The following EMILIN1 variants were observed in gnomAD, a reference collection of about 807,000 sequenced individuals.
EMILIN1 encodes EMILIN-1.
EMILIN1 carries 49 observed loss-of-function variants against 82.4 expected under a neutral mutation model. That is an observed-to-expected ratio of 0.59 (90% confidence interval 0.47 to 0.75). EMILIN1 has a LOEUF of 0.75. Among genes scored for constraint, EMILIN1 ranks in the 30% least tolerant of loss-of-function variants. The pLI is 0.00. For missense variants in EMILIN1, 1,313 were observed against 1,366.4 expected (o/e 0.96, Z 0.62); for synonymous variants, 604 against 602.2 (o/e 1.00, Z -0.04).
chr2:27,082,265 G>A lies in EMILIN1; in HGVS notation c.694G>A (p.Gly232Arg). The A allele has an allele frequency of 6.2e-7, 1 of 1,613,210 alleles. No individual in the cohort carries two copies. Among genetic ancestry groups the A allele is most frequent in the Middle Eastern group, 1.6e-4 (1 of 6,062 alleles). The change falls in exon 4 of 8, where the codon GGG becomes AGG. Residue 232 changes from glycine (G) to arginine (R), a missense_variant. Coordinates refer to ENST00000380320, the MANE Select transcript of EMILIN1 (RefSeq NM_007046.4). The part of the protein sequence containing the change: ...QQPADAAARP[G>R]VHETLNEIQH... ...GCCAGCTGACGCGGCTGCCCGCCCT[G>A]GGGTGCATGAAACCCTCAATGAGAT...
intron 1 of EMILIN1, 42 bp from the exon 2 acceptor site, chr2:27,080,109 T>G (rs1193972017): frequency 6.2e-7 from 1 of 1,610,148 alleles, no homozygotes; most frequent in Admixed American, 1.7e-5. Context: ...CTCCAGGGCA[T>G]GTATCTTTGG....
In EMILIN1 at chr2:27,082,137, C is replaced by T; in HGVS notation, c.566C>T (p.Thr189Ile). 1 of 1,613,764 alleles carries T rather than the reference C, an allele frequency of 6.2e-7. No homozygotes were observed. The change falls in exon 4 of 8, where the codon ACC becomes ATC. Residue 189 changes from threonine (T) to isoleucine (I), a missense_variant. By Grantham distance (89) the Thr-to-Ile change is moderately conservative. Coordinates refer to ENST00000380320, the MANE Select transcript of EMILIN1 (RefSeq NM_007046.4). ...CTGGAGGAACAGGTGCAGAGCCTGA[C>T]CAAGGAGCTGCAAGGCCTGCGGGGC... ...QQLEEQVQSL[T>I]KELQGLRGVL...
intron 1 of EMILIN1, among the ~76,000 whole-genome samples, chr2:27,079,653 G>C (rs1439660938): frequency 6.6e-6 from 1 of 152,244 alleles, no homozygotes; most frequent in African/African-American, 2.4e-5. Flanking sequence ...AGAGGCCGGA[G>C]TGAATGGGGC....
chr2:27,082,159 G>A lies in EMILIN1; in HGVS notation c.588G>A (p.Arg196=), dbSNP rs142885985. 2.2e-5 allele frequency: 36 copies of A among 1,613,670 alleles called. No individual in the cohort carries two copies. The African/African-American group carries it at 4.3e-4, about 19-fold the overall frequency. ...QSLTKELQGL[R]GVLQGLSGRL... is the part of the protein sequence containing the mutation. ...TGACCAAGGAGCTGCAAGGCCTGCG[G>A]GGCGTCCTGCAAGGACTGAGCGGGC... Residue 196 remains arginine (R), a synonymous_variant, in exon 4 of 8, where the codon CGG becomes CGA. Transcript: ENST00000380320.
At position 27,083,651 on chromosome 2, in the gene EMILIN1, C is replaced by T; in HGVS notation, c.2080C>T (p.Gln694Ter). The change falls in exon 4 of 8, where the codon CAG (glutamine) becomes TAG (stop). Residue 694 changes from glutamine to a stop codon, truncating the protein, a stop_gained. Transcript: ENST00000380320. LOFTEE classifies it high-confidence loss of function. The stretch of plus-strand genomic sequence containing the variant: ...CATTTCTGAGATTAACAGGCTGCAG[C>T]AGGAGGCCACAGAGCATGCTACAGA... ...RIISEINRLQ[Q>*]EATEHATESE... The T allele has an allele frequency of 1.2e-6, 2 of 1,612,474 alleles. No individual in the cohort carries two copies. The highest frequency in any genetic ancestry group is 1.7e-6 in the Non-Finnish European group (2 of 1,178,662).
intron 1 of EMILIN1, among the ~76,000 whole-genome samples, chr2:27,079,606 GCT>G (rs1036852511): frequency 1.8e-4 from 28 of 152,302 alleles, no homozygotes; most frequent in African/African-American, 6.7e-4. Context: ...CACCACTCCA[GCT>G]CTGTTCCCTC....
Position 27,079,082 on chromosome 2 carries a change from T to C in EMILIN1, c.17T>C (p.Leu6Pro). 1 of 1,603,304 alleles carries C rather than the reference T, an allele frequency of 6.2e-7. No homozygotes were observed. The change falls in exon 1 of 8, where the codon CTC (leucine) becomes CCC (proline). Residue 6 changes from leucine to proline, a missense_variant. Coordinates refer to ENST00000380320, the MANE Select transcript of EMILIN1 (RefSeq NM_007046.4). MAPRT[L>P]WSCYLCCLLT... ...CGCCCCGCCATGGCCCCCCGCACCC[T>C]CTGGAGCTGCTACCTCTGCTGCCTG...
At position 27,086,165 on chromosome 2, in the gene EMILIN1, A is replaced by T. The variant is rs1295348048; in HGVS notation, c.*150A>T. The T allele has an allele frequency of 3.9e-6, 2 of 510,102 alleles. No homozygotes were observed. Among genetic ancestry groups the T allele is most frequent in the Non-Finnish European group, 6.1e-6 (2 of 326,106 alleles). 31.6% of individuals were successfully genotyped at this position (510,102 alleles called of 1,614,324 possible). ...ACCGCGCCCAGAGCGGCCTCTCCCC[A>T]CGCCCGGGGCGCGCCGGCTCAGGGA... On this transcript the variant is annotated 3_prime_UTR_variant, in exon 8 of 8. Transcript: ENST00000380320.
intron 2 of EMILIN1, among the ~76,000 whole-genome samples, 183 bp from the exon 3 acceptor site, chr2:27,080,549 G>A (rs1669455421): frequency 1.3e-5 from 2 of 152,158 alleles, no homozygotes. Flanking sequence ...GAAGAGCAGG[G>A]ATTTAACCCT....
rs1054045056 is a variant in EMILIN1 at position 27,078,964 on chromosome 2, G to T, written c.-102G>T. 3.3e-6 allele frequency: 3 copies of T among 913,146 alleles called. No individual in the cohort carries two copies. The highest frequency in any genetic ancestry group is 4.7e-6 in the Non-Finnish European group (3 of 643,542). The allele number at this position is 913,146 out of a possible 1,614,324, so 56.6% of individuals were successfully genotyped here. A position where few individuals can be genotyped will look rare whatever the true frequency, so the allele number is the denominator to read the frequency against. ...AGAAGGAAACTGGGACGGACGGGCC[G>T]GGCTCGGGCTGTCCTGTGGAGCAGC... On this transcript the variant is annotated 5_prime_UTR_variant, in exon 1 of 8. Transcript: ENST00000380320.
intron 7 of EMILIN1, 57 bp from the exon 8 acceptor site, chr2:27,085,621 T>C (rs1030653452): frequency 6.7e-7 from 1 of 1,489,718 alleles, no homozygotes. Flanking sequence ...AGTCCAGGAG[T>C]TCTGGTGCGC....
chr2:27,082,145 C>T lies in EMILIN1; in HGVS notation c.574C>T (p.Leu192=), dbSNP rs752568758. ...EEQVQSLTKE[L]QGLRGVLQGL... ...ACAGGTGCAGAGCCTGACCAAGGAG[C>T]TGCAAGGCCTGCGGGGCGTCCTGCA... The change falls in exon 4 of 8, where the codon CTG becomes TTG. Residue 192 remains leucine (L), a synonymous_variant. Coordinates refer to ENST00000380320, the MANE Select transcript of EMILIN1 (RefSeq NM_007046.4). 59 of 1,613,664 alleles carry T rather than the reference C, an allele frequency of 3.7e-5. No homozygotes were observed. In the Admixed American group the frequency reaches 9.2e-4, roughly 25 times the overall value.
rs751860505 is a variant in EMILIN1 at position 27,083,728 on chromosome 2, G to A, written c.2157G>A (p.Gln719=). The A allele has an allele frequency of 1.2e-6, 2 of 1,613,718 alleles. No individual in the cohort carries two copies. The highest frequency in any genetic ancestry group is 1.7e-6 in the Non-Finnish European group (2 of 1,179,730). Residue 719 remains glutamine (Q), a synonymous_variant, in exon 4 of 8, where the codon CAG becomes CAA. Transcript: ENST00000380320. ...AGGAGGGACAAGCACAGGCCGGCCA[G>A]TGCCCCAGCTTAGAGGGGCGATTGG... ...GLEEGQAQAG[Q]CPSLEGRLGR...
chr2:27,080,274 A>G lies in EMILIN1; in HGVS notation c.290+4A>G, dbSNP rs1417407106. 6.2e-7 allele frequency: 1 copy of G among 1,613,540 alleles called. No homozygotes were observed. The highest frequency in any genetic ancestry group is 8.5e-7 in the Non-Finnish European group (1 of 1,179,622). ...CCCAGTGTCCCCAAAGCATCATGTG[A>G]GTCCCAGGGCCGGGCAACGGGCCCT... On this transcript the variant is annotated splice_donor_region_variant and intron_variant, in intron 2 of 7. Coordinates refer to ENST00000380320, the MANE Select transcript of EMILIN1 (RefSeq NM_007046.4).
At position 27,080,786 on chromosome 2, in the gene EMILIN1, C is replaced by T. The variant is rs1669459570; in HGVS notation, c.345C>T (p.Asp115=). ...GTGTGGCCTACAAGACAGTGACCGACATGGAGTGGAGGTGCTGTCAGGGTT... is the reference window on the plus strand; with the variant it reads ...GTGTGGCCTACAAGACAGTGACCGATATGGAGTGGAGGTGCTGTCAGGGTT... ...RYRVAYKTVT[D]MEWRCCQGYG... is the part of the protein sequence containing the mutation. The change falls in exon 3 of 8, where the codon GAC becomes GAT. Residue 115 remains aspartate, a synonymous_variant. Coordinates refer to ENST00000380320, the MANE Select transcript of EMILIN1 (RefSeq NM_007046.4). 1 of 1,613,850 alleles carries T rather than the reference C, an allele frequency of 6.2e-7. No homozygotes were observed. The highest frequency in any genetic ancestry group is 8.5e-7 in the Non-Finnish European group (1 of 1,179,980).
In EMILIN1 at chr2:27,083,232, C is replaced by A. The variant is rs139678896; in HGVS notation, c.1661C>A (p.Ala554Glu). The A allele has an allele frequency of 6.2e-7, 1 of 1,611,836 alleles. No homozygotes were observed. Among genetic ancestry groups the A allele is most frequent in the Non-Finnish European group, 8.5e-7 (1 of 1,178,838 alleles). ...DRVDAQDETA[A>E]EFTLRLNLTA... Reference sequence around the variant, plus strand: ...GTGGATGCCCAGGATGAGACAGCTGCAGAGTTCACACTACGGCTGAATCTC... The same window carrying A: ...GTGGATGCCCAGGATGAGACAGCTGAAGAGTTCACACTACGGCTGAATCTC... The change falls in exon 4 of 8, where the codon GCA (alanine) becomes GAA (glutamate). Residue 554 changes from alanine (A) to glutamate (E), a missense_variant. By Grantham distance (107) the Ala-to-Glu change is moderately radical. Transcript: ENST00000380320.
rs763157100 is a variant in EMILIN1, at chr2:27,082,259, C to G, written c.688C>G (p.Arg230Gly). 6.2e-6 allele frequency: 10 copies of G among 1,613,098 alleles called. No individual in the cohort carries two copies. The African/African-American group carries it at 1.2e-4, about 19-fold the overall frequency. The change falls in exon 4 of 8, where the codon CGC becomes GGC. Residue 230 changes from arginine to glycine, a missense_variant. Arg to Gly is a moderately radical substitution (Grantham distance 125). Transcript: ENST00000380320. ...GCAGCAGCCAGCTGACGCGGCTGCC[C>G]GCCCTGGGGTGCATGAAACCCTCAA... The part of the protein sequence containing the change: ...GRQQPADAAA[R>G]PGVHETLNEI...
At position 27,083,120 on chromosome 2, in the gene EMILIN1, G is replaced by A. The variant is rs372213065; in HGVS notation, c.1549G>A (p.Gly517Ser). ...SEGQLRLVGS[G>S]LHTVEAAGEA... ...GGGGCAGCTGCGGCTGGTGGGCTCC[G>A]GCCTGCACACGGTGGAAGCAGCGGG... Residue 517 changes from glycine to serine, a missense_variant, in exon 4 of 8, where the codon GGC becomes AGC. Physicochemically the swap from Gly to Ser is moderately conservative, Grantham distance 56. Coordinates refer to ENST00000380320, the MANE Select transcript of EMILIN1 (RefSeq NM_007046.4). 3.0e-5 allele frequency: 47 copies of A among 1,576,330 alleles called. No individual in the cohort carries two copies. Among genetic ancestry groups the A allele is most frequent in the Middle Eastern group, 1.8e-4 (1 of 5,706 alleles).
Position 27,079,099 on chromosome 2 carries a change from T to C in EMILIN1, c.34T>C (p.Cys12Arg). ...CCGCACCCTCTGGAGCTGCTACCTC[T>C]GCTGCCTGCTGACGGCAGCTGCAGG... is the stretch of plus-strand genomic sequence containing the variant. ...APRTLWSCYL[C>R]CLLTAAAGAA... Residue 12 changes from cysteine (C) to arginine (R), a missense_variant, in exon 1 of 8, where the codon TGC (cysteine) becomes CGC (arginine). Coordinates refer to ENST00000380320, the MANE Select transcript of EMILIN1 (RefSeq NM_007046.4). 2 of 1,605,978 alleles carry C rather than the reference T, an allele frequency of 1.2e-6. No homozygotes were observed. The highest frequency in any genetic ancestry group is 1.7e-6 in the Non-Finnish European group (2 of 1,176,770).
Sources: gnomAD v4.1 joint callset for allele counts (sites outside exome capture counted in the v4.1 genomes callset) on GRCh38, gnomAD v4.1.1 for gene constraint, MANE v1.5 for transcripts, NCBI Gene and HGNC (gene_info 2026-07-23, HGNC 2026-07-21) for gene names.